LAMA2: variants seen among roughly 807,000 people sequenced by gnomAD.
LAMA2 encodes the protein laminin subunit alpha-2.
A neutral mutation model predicts 364.8 loss-of-function variants in LAMA2; 269 were observed. The observed-to-expected ratio is 0.74, with a 90% CI of 0.67 to 0.82. LAMA2 has a LOEUF of 0.82. Ranked by LOEUF, LAMA2 falls within the 40% of genes least tolerant of loss-of-function variation. The probability of loss-of-function intolerance (pLI) is 0.00; values close to 1 mark genes in which losing one functional copy is unlikely to be tolerated. For synonymous variants in LAMA2, 1,379 were observed against 1,370.6 expected (o/e 1.01, Z -0.14); for missense variants, 3,807 against 3,873.2 (o/e 0.98, Z 0.45).
intron 15 of LAMA2, among the ~76,000 whole-genome samples, chr6:129,261,585 G>T (rs1290628547): frequency 6.6e-6 from 1 of 152,084 alleles, no homozygotes; most frequent in Non-Finnish European, 1.5e-5. Context: ...CAGATAAATA[G>T]GAGCTTAGTT....
At chr6:129,199,174 C>G (rs1239392668) in intron 12 of LAMA2, among the ~76,000 whole-genome samples, 3 of 152,130 alleles carry the variant, frequency 2.0e-5, no homozygotes. Context: ...TGGATTTTAT[C>G]ATCCGTGTTT....
intron 29 of LAMA2, among the ~76,000 whole-genome samples, chr6:129,341,310 T>A (rs1275426801): frequency 6.6e-6 from 1 of 152,234 alleles, no homozygotes; most frequent in Non-Finnish European, 1.5e-5. Flanking sequence ...TTCACTAACA[T>A]GTCCATCTAG....
rs1464506358 is a variant in LAMA2, at chr6:129,154,146, G to A, written c.1028-359G>A. 4.6e-5 allele frequency among the ~76,000 whole-genome samples: 7 copies of A among 152,176 alleles called. 1 individual carries two copies. The highest frequency in any genetic ancestry group is 1.4e-4 in the African/African-American group (6 of 41,436). On this transcript the variant is annotated intron_variant, in intron 7 of 64. Coordinates refer to ENST00000421865, the MANE Select transcript of LAMA2 (RefSeq NM_000426.4). ...ATAAAAGTCTAGGCCGGGGGCAGTG[G>A]CTCACGCCTGTAATTCCAGCACTTT...
chr6:128,926,061 C>T (rs928542328), intron 1 of LAMA2, among the ~76,000 whole-genome samples: 1 of 152,146 alleles, frequency 6.6e-6, no homozygotes, highest in African/African-American at 2.4e-5. Context: ...TTCACCAGAT[C>T]TAGGATTTCT....
chr6:129,327,418 C>A (rs564715803), intron 28 of LAMA2, among the ~76,000 whole-genome samples: 2 of 152,100 alleles, frequency 1.3e-5, no homozygotes, highest in South Asian at 4.2e-4. Context: ...AAAAAAAATT[C>A]TACTTAACCA....
intron 1 of LAMA2, among the ~76,000 whole-genome samples, chr6:128,917,399 CT>C (rs1372424861): frequency 6.6e-6 from 1 of 151,904 alleles, no homozygotes; most frequent in Non-Finnish European, 1.5e-5. Flanking sequence ...TTATCTTTTA[CT>C]TTTTCTTTTA....
chr6:129,209,741 C>A (rs2115069118), intron 12 of LAMA2, among the ~76,000 whole-genome samples: 1 of 152,204 alleles, frequency 6.6e-6, no homozygotes, highest in Non-Finnish European at 1.5e-5. Flanking sequence ...CGGTGGCTCA[C>A]GCCTGTAATC....
intron 32 of LAMA2, among the ~76,000 whole-genome samples, chr6:129,355,366 A>G (rs1035761023): frequency 3.3e-5 from 5 of 152,158 alleles, no homozygotes; most frequent in Middle Eastern, 3.2e-3. Context: ...CCATGATTCT[A>G]TGATCTTGGC....
chr6:129,199,943 G>C (rs1411760445), intron 12 of LAMA2, among the ~76,000 whole-genome samples: 1 of 151,802 alleles, frequency 6.6e-6, no homozygotes, highest in Admixed American at 6.6e-5. Flanking sequence ...GCCAGGTGTG[G>C]TGACAAACGC....
At chr6:129,108,201 A>C (rs1178654955) in intron 4 of LAMA2, among the ~76,000 whole-genome samples, 1 of 151,704 alleles carries the variant, frequency 6.6e-6, no homozygotes, top group African/African-American at 2.4e-5. Flanking sequence ...TATATTTATC[A>C]GTTTTTCTGC....
intron 58 of LAMA2, among the ~76,000 whole-genome samples, chr6:129,497,420 T>G (rs1285026444): frequency 1.3e-5 from 2 of 152,106 alleles, no homozygotes; most frequent in Non-Finnish European, 2.9e-5. Context: ...GTATTTTTAA[T>G]AGAGATGGGA....
At chr6:128,967,885 A>G (rs116062466) in intron 1 of LAMA2, among the ~76,000 whole-genome samples, 150 of 152,246 alleles carry the variant, frequency 9.9e-4, no homozygotes, top group African/African-American at 3.4e-3. Flanking sequence ...GATTATTTCT[A>G]TTATTCAGTC....
intron 1 of LAMA2, among the ~76,000 whole-genome samples, chr6:129,013,436 C>CA (rs570882162): frequency 0.029 from 4,021 of 137,488 alleles, 175 homozygotes; most frequent in African/African-American, 0.1. Flanking sequence ...GACTCCATCT[C>CA]AAAAAAAAAA....
intron 3 of LAMA2, among the ~76,000 whole-genome samples, chr6:129,077,761 G>A (rs1324727401): frequency 1.3e-5 from 2 of 152,140 alleles, no homozygotes; most frequent in African/African-American, 4.8e-5. Flanking sequence ...CGATATGTCA[G>A]AAAGATTCTT....
intron 3 of LAMA2, among the ~76,000 whole-genome samples, chr6:129,076,499 A>ATAT (rs56673184): frequency 4.1e-4 from 5 of 12,208 alleles, no homozygotes; most frequent in East Asian, 3.9e-3. Flanking sequence ...TATTATATAT[A>ATAT]AATATATATA....
At chr6:129,207,799 A>G (rs1782781019) in intron 12 of LAMA2, among the ~76,000 whole-genome samples, 1 of 151,960 alleles carries the variant, frequency 6.6e-6, no homozygotes, top group South Asian at 2.1e-4. Flanking sequence ...AAAAAAAAAA[A>G]CCTGTTGGTC....
chr6:129,229,841 G>A (rs943335860), intron 12 of LAMA2, among the ~76,000 whole-genome samples: 2 of 152,158 alleles, frequency 1.3e-5, no homozygotes, highest in African/African-American at 4.8e-5. Context: ...TTTAGATGGG[G>A]AAGACTGTGG....
chr6:129,154,315 G>A (rs542708327), intron 7 of LAMA2, among the ~76,000 whole-genome samples, 190 bp from the exon 8 acceptor site: 2 of 152,162 alleles, frequency 1.3e-5, no homozygotes, highest in Admixed American at 6.5e-5. Context: ...GGGAGGCTGA[G>A]ACAGGAGGAT....
At chr6:129,257,697 C>A (rs1786800933) in intron 14 of LAMA2, among the ~76,000 whole-genome samples, 1 of 151,972 alleles carries the variant, frequency 6.6e-6, no homozygotes, top group African/African-American at 2.4e-5. Flanking sequence ...TTAAAAGGAT[C>A]AGAATTATAG....
Sources: gnomAD v4.1 joint callset for allele counts (sites outside exome capture counted in the v4.1 genomes callset) on GRCh38, gnomAD v4.1.1 for gene constraint, MANE v1.5 for transcripts, NCBI Gene and HGNC (gene_info 2026-07-23, HGNC 2026-07-21) for gene names.